Variants in LRP12 observed in about 807,000 individuals in gnomAD.
The protein encoded by LRP12 is LDL receptor related protein 12, also known as low-density lipoprotein receptor-related protein 12.
LRP12 carries 14 observed loss-of-function variants against 66.0 expected under a neutral mutation model. That is an observed-to-expected ratio of 0.21 (90% CI 0.14 to 0.33). The LOEUF is 0.33. LRP12 is among the 10% of genes least tolerant of loss of function. LRP12 has a pLI of 1.00. For synonymous variants in LRP12, 357 were observed against 359.1 expected (o/e 0.99, Z 0.07); for missense variants, 889 against 1,053.4 (o/e 0.84, Z 2.16).
At chr8:104,561,193 A>C (rs532904673) in intron 1 of LRP12, among the ~76,000 whole-genome samples, 8 of 152,248 alleles carry the variant, frequency 5.3e-5, no homozygotes, top group Non-Finnish European at 1.2e-4. Flanking sequence ...AATTTGACTG[A>C]AAGGCCGTGT....
chr8:104,517,092 A>G (rs1326461681), intron 2 of LRP12, among the ~76,000 whole-genome samples: 1 of 151,596 alleles, frequency 6.6e-6, no homozygotes, highest in Non-Finnish European at 1.5e-5. Flanking sequence ...GGCACAAAAG[A>G]AATAGAGAAC....
chr8:104,585,262 G>A (rs1039803598), intron 1 of LRP12, among the ~76,000 whole-genome samples: 5 of 152,062 alleles, frequency 3.3e-5, no homozygotes, highest in South Asian at 2.1e-4. Context: ...AGTTTCACTC[G>A]TCACCCAGGC....
chr8:104,573,844 G>A (rs929829266), intron 1 of LRP12, among the ~76,000 whole-genome samples: 1 of 151,944 alleles, frequency 6.6e-6, no homozygotes, highest in African/African-American at 2.4e-5. Context: ...AGGAAAAAAA[G>A]AGGTAGAGGG....
At position 104,589,258 on chromosome 8, in the gene LRP12, T is replaced by G. The variant is rs1001622233; in HGVS notation, c.-361A>C. On this transcript the variant is annotated 5_prime_UTR_variant, in exon 1 of 7. Transcript: ENST00000276654. The stretch of plus-strand genomic sequence containing the variant: ...TAGCCGGCGCCGCCACTCGCCAGAC[T>G]GAGCGCGCGCCCATCCGTGCGATCG... Among the ~76,000 whole-genome samples the G allele has an allele frequency of 9.9e-5, 15 of 151,896 alleles. No individual in the cohort carries two copies. Among genetic ancestry groups the G allele is most frequent in the Non-Finnish European group, 2.2e-4 (15 of 67,918 alleles).
chr8:104,528,138 G>T (rs16871542), intron 2 of LRP12, among the ~76,000 whole-genome samples: 1 of 152,080 alleles, frequency 6.6e-6, no homozygotes, highest in African/African-American at 2.4e-5. Context: ...GATAACACTA[G>T]GTGCAGACAA....
At chr8:104,515,857 T>C (rs1431200537) in intron 2 of LRP12, among the ~76,000 whole-genome samples, 1 of 152,198 alleles carries the variant, frequency 6.6e-6, no homozygotes, top group Non-Finnish European at 1.5e-5. Context: ...GCCTTGTTAG[T>C]CTTTGTTCAT....
At chr8:104,513,500 TAG>T (rs1427445694) in intron 2 of LRP12, among the ~76,000 whole-genome samples, 9 of 152,140 alleles carry the variant, frequency 5.9e-5, no homozygotes, top group Admixed American at 5.9e-4. Flanking sequence ...CCCACTGAAA[TAG>T]ACTTTCAATT....
At chr8:104,579,591 T>A (rs1209365709) in intron 1 of LRP12, among the ~76,000 whole-genome samples, 5 of 152,114 alleles carry the variant, frequency 3.3e-5, no homozygotes, top group Non-Finnish European at 5.9e-5. Context: ...TTAAAATTCA[T>A]ATAGAACCAA....
At chr8:104,509,950 T>C (rs1001918780) in intron 2 of LRP12, among the ~76,000 whole-genome samples, 3 of 152,160 alleles carry the variant, frequency 2.0e-5, no homozygotes. Context: ...CCCTCATAGA[T>C]AAGGAGGGAC....
In LRP12 at chr8:104,578,674, C is replaced by T. The variant is rs963269625; in HGVS notation, c.79+10145G>A. On this transcript the variant is annotated intron_variant, in intron 1 of 6. Coordinates refer to ENST00000276654, the MANE Select transcript of LRP12 (RefSeq NM_013437.5). ...TCTTCATGAACACTGATGCAAAAAT[C>T]CTCAAAAAATACTTGCAAACCAAAT... Among the ~76,000 whole-genome samples the T allele has an allele frequency of 9.2e-5, 14 of 152,180 alleles. No individual in the cohort carries two copies. The South Asian group carries it at 1.7e-3, about 18-fold the overall frequency.
chr8:104,557,810 C>T (rs1811835642), intron 1 of LRP12, among the ~76,000 whole-genome samples: 1 of 152,020 alleles, frequency 6.6e-6, no homozygotes, highest in Non-Finnish European at 1.5e-5. Flanking sequence ...CTCACATAGC[C>T]AAAGCAAGAC....
intron 2 of LRP12, among the ~76,000 whole-genome samples, chr8:104,523,144 G>T (rs141325013): frequency 2.6e-5 from 4 of 152,214 alleles, no homozygotes; most frequent in East Asian, 1.9e-4. Flanking sequence ...TTTGAATTGT[G>T]TAAGTCCACT....
rs751439392 is a variant in LRP12, at chr8:104,491,089, C to G, written c.2164G>C (p.Ala722Pro). The stretch of plus-strand genomic sequence containing the variant: ...AGTGCACTTGTAAGCTGGTGACGTG[C>G]TGGACTCACACTTGGGGGTTCCACA... ...TSVEPPSVSP[A>P]RHQLTSALSR... The change falls in exon 7 of 7, where the codon GCA becomes CCA. Residue 722 changes from alanine (A) to proline (P), a missense_variant. Physicochemically the swap from Ala to Pro is conservative, Grantham distance 27. Around this residue, in one of 3 missense-constraint regions of LRP12, gnomAD observed 800 missense variants for 964.5 expected, o/e 0.83. Coordinates refer to ENST00000276654, the MANE Select transcript of LRP12 (RefSeq NM_013437.5). The G allele has an allele frequency of 1.2e-5, 20 of 1,614,004 alleles. No homozygotes were observed. Among genetic ancestry groups the G allele is most frequent in the Non-Finnish European group, 1.7e-5 (20 of 1,180,016 alleles).
intron 5 of LRP12, 115 bp downstream of exon 5, chr8:104,496,857 T>C: frequency 9.9e-7 from 1 of 1,010,434 alleles, no homozygotes; most frequent in Non-Finnish European, 1.3e-6. Flanking sequence ...CAACAATCTT[T>C]ATCCATTTTC....
intron 2 of LRP12, among the ~76,000 whole-genome samples, chr8:104,528,013 G>C (rs1233985457): frequency 1.3e-5 from 2 of 152,088 alleles, no homozygotes; most frequent in Non-Finnish European, 2.9e-5. Flanking sequence ...CCAACAGGGT[G>C]ACTATACAGC....
chr8:104,533,340 A>C (rs1310407542), intron 1 of LRP12, among the ~76,000 whole-genome samples: 1 of 152,106 alleles, frequency 6.6e-6, no homozygotes, highest in Non-Finnish European at 1.5e-5. Context: ...GAAACAAAAC[A>C]TGAAACTGAT....
intron 1 of LRP12, chr8:104,566,192 A>G: frequency 3.0e-6 from 2 of 671,006 alleles, no homozygotes; most frequent in South Asian, 4.3e-5. Context: ...GTTCTTGAGC[A>G]AATCCCTGAA....
chr8:104,542,992 C>CAAATATATATATATATATAT (rs1564140103), intron 1 of LRP12, among the ~76,000 whole-genome samples: 1 of 139,930 alleles, frequency 7.1e-6, no homozygotes, highest in African/African-American at 3.0e-5. Context: ...AGAACACACA[C>CAAATATATATATATATATAT]AAATATATAT....
intron 1 of LRP12, among the ~76,000 whole-genome samples, chr8:104,583,458 G>A (rs1006638776): frequency 3.9e-5 from 6 of 152,030 alleles, no homozygotes; most frequent in Admixed American, 2.6e-4. Context: ...TCTCATAAAC[G>A]TCCCTTCATG....
Sources: gnomAD v4.1 joint callset for allele counts (sites outside exome capture counted in the v4.1 genomes callset) on GRCh38, gnomAD v4.1.1 for gene constraint, gnomAD v4.1.1 regional missense constraint, MANE v1.5 for transcripts, NCBI Gene and HGNC (gene_info 2026-07-23, HGNC 2026-07-21) for gene names.